STK32B: variants seen among roughly 807,000 people sequenced by gnomAD.
STK32B encodes the protein serine/threonine kinase 32B.
A neutral mutation model predicts 52.6 loss-of-function variants in STK32B; 43 were observed. That is an observed-to-expected ratio of 0.82 (90% CI 0.64 to 1.05). The LOEUF (loss-of-function observed/expected upper bound fraction) is 1.05. STK32B is among the 50% of genes least tolerant of loss of function. The pLI is 0.00. For missense variants in STK32B, 621 were observed against 534.6 expected (o/e 1.16, Z -1.59); for synonymous variants, 238 against 204.3 (o/e 1.17, Z -1.41).
Position 5,380,477 on chromosome 4 carries a change from A to G in STK32B, c.435-17730A>G, listed in dbSNP as rs576538213. On this transcript the variant is annotated intron_variant, in intron 4 of 11. Coordinates refer to ENST00000282908, the MANE Select transcript of STK32B (RefSeq NM_018401.3). The surrounding 1 kb of genome is among the most constrained non-coding windows in gnomAD (Gnocchi z 4.3). ...TGAACAGATATTTTGTTCACAGGAC[A>G]AGAATCCTGTCCAAGCACCACACTA... Among the ~76,000 whole-genome samples the G allele has an allele frequency of 6.6e-6, 1 of 152,328 alleles. No homozygotes were observed. The highest frequency in any genetic ancestry group is 1.9e-4 in the East Asian group (1 of 5,184).
intron 4 of STK32B, among the ~76,000 whole-genome samples, chr4:5,387,218 C>A (rs28580827): frequency 0.011 from 1,717 of 152,304 alleles, 21 homozygotes; most frequent in South Asian, 0.058. Flanking sequence ...GTACGGAAGC[C>A]TGGGCCTCTC....
chr4:5,490,007 A>G (rs945221276), intron 11 of STK32B, among the ~76,000 whole-genome samples: 2 of 152,220 alleles, frequency 1.3e-5, no homozygotes, highest in African/African-American at 4.8e-5. Flanking sequence ...ATTGGATAGT[A>G]ATACAAACTC....
At chr4:5,364,042 GA>G (rs34019164) in intron 4 of STK32B, among the ~76,000 whole-genome samples, 17,454 of 150,480 alleles carry the variant, frequency 0.12, 1,618 homozygotes, top group African/African-American at 0.22. Flanking sequence ...GCATCCTTTT[GA>G]AAAAAAAATC....
intron 5 of STK32B, among the ~76,000 whole-genome samples, chr4:5,411,765 A>G (rs1711708533): frequency 6.6e-6 from 1 of 152,120 alleles, no homozygotes; most frequent in African/African-American, 2.4e-5. Flanking sequence ...CAAGAACCCA[A>G]CCATGCTGGC....
At chr4:5,270,931 C>G (rs1019849852) in intron 3 of STK32B, among the ~76,000 whole-genome samples, 1 of 152,024 alleles carries the variant, frequency 6.6e-6, no homozygotes, top group Non-Finnish European at 1.5e-5. Context: ...AATTTTCTTC[C>G]CTCCACACCC....
chr4:5,335,739 C>T (rs1274918195), intron 4 of STK32B, among the ~76,000 whole-genome samples: 4 of 151,936 alleles, frequency 2.6e-5, no homozygotes, highest in African/African-American at 4.8e-5. Flanking sequence ...GTTATGTACC[C>T]GGTAGTCTTT....
intron 2 of STK32B, among the ~76,000 whole-genome samples, chr4:5,162,681 G>A (rs906400617): frequency 2.0e-5 from 3 of 152,146 alleles, no homozygotes; most frequent in Admixed American, 1.3e-4. Flanking sequence ...TAGCAGCTTG[G>A]GTGGCTTTGG....
At chr4:5,325,478 TTC>T (rs1731809680) in intron 3 of STK32B, among the ~76,000 whole-genome samples, 1 of 152,188 alleles carries the variant, frequency 6.6e-6, no homozygotes, top group South Asian at 2.1e-4. Flanking sequence ...TTTTTCCTGA[TTC>T]TGTTTTCTTG....
intron 4 of STK32B, among the ~76,000 whole-genome samples, chr4:5,347,908 T>A (rs1733573857): frequency 6.6e-6 from 1 of 152,184 alleles, no homozygotes; most frequent in Non-Finnish European, 1.5e-5. Context: ...ATTAAGCCTC[T>A]TTTCTTAAAA....
At chr4:5,309,236 TGAA>T (rs1429066912) in intron 3 of STK32B, among the ~76,000 whole-genome samples, 9 of 151,826 alleles carry the variant, frequency 5.9e-5, no homozygotes, top group African/African-American at 2.2e-4. Context: ...TGAAAGAAAA[TGAA>T]GAAGACACAG....
chr4:5,267,836 G>C (rs943889561), intron 3 of STK32B, among the ~76,000 whole-genome samples: 3 of 152,190 alleles, frequency 2.0e-5, no homozygotes, highest in Non-Finnish European at 2.9e-5. Context: ...GAGAATATGT[G>C]AATCCTTCAT....
At chr4:5,446,566 C>CAAAAAAAAAAAAAAAAAA (rs546330873) in intron 6 of STK32B, 107 bp from the exon 7 acceptor site, 2 of 640,858 alleles carry the variant, frequency 3.1e-6, no homozygotes. Context: ...CAAAAAAAAA[C>CAAAAAAAAAAAAAAAAAA]AAAAAAAAAA....
chr4:5,204,766 C>T (rs1019649055), intron 3 of STK32B, among the ~76,000 whole-genome samples: 6 of 152,058 alleles, frequency 3.9e-5, no homozygotes, highest in African/African-American at 1.2e-4. Context: ...CTGCTCCCGG[C>T]GTGTCCTGGG....
chr4:5,379,742 T>A (rs1353648852), intron 4 of STK32B, among the ~76,000 whole-genome samples: 1 of 152,028 alleles, frequency 6.6e-6, no homozygotes, highest in East Asian at 1.9e-4. Flanking sequence ...CACCTGCAAG[T>A]CAAGGAAAAG....
chr4:5,314,657 C>A (rs1176296174), intron 3 of STK32B, among the ~76,000 whole-genome samples: 1 of 152,086 alleles, frequency 6.6e-6, no homozygotes, highest in Non-Finnish European at 1.5e-5. Flanking sequence ...GTGATAAGAG[C>A]AAGACTCCGT....
intron 2 of STK32B, among the ~76,000 whole-genome samples, chr4:5,155,095 G>A (rs1302594355): frequency 6.6e-6 from 1 of 152,210 alleles, no homozygotes; most frequent in Middle Eastern, 3.4e-3. Context: ...TTCTACCTCA[G>A]AACCTTCACA....
At chr4:5,098,725 C>G (rs1393925285) in intron 1 of STK32B, among the ~76,000 whole-genome samples, 2 of 152,196 alleles carry the variant, frequency 1.3e-5, no homozygotes, top group African/African-American at 4.8e-5. Context: ...CCTGGTCTCC[C>G]AGCTGTTCTC....
intron 6 of STK32B, among the ~76,000 whole-genome samples, chr4:5,431,463 G>A (rs1713574291): frequency 6.6e-6 from 1 of 151,566 alleles, no homozygotes; most frequent in African/African-American, 2.4e-5. Flanking sequence ...TTCTAATTCT[G>A]TGCTTCCAGT....
chr4:5,311,910 A>ATG (rs1560305902), intron 3 of STK32B, among the ~76,000 whole-genome samples: 2 of 146,012 alleles, frequency 1.4e-5, no homozygotes, highest in Non-Finnish European at 3.0e-5. Flanking sequence ...TTTTATATAT[A>ATG]TATATTTTTT....
Sources: allele counts gnomAD v4.1 joint callset (sites outside exome capture counted in the v4.1 genomes callset), GRCh38; gene constraint gnomAD v4.1.1; non-coding constraint Gnocchi (gnomAD v3.1); transcripts MANE v1.5; gene names NCBI Gene and HGNC (gene_info 2026-07-23, HGNC 2026-07-21).